SH3PXD2A: variants seen among roughly 807,000 people sequenced by gnomAD.
The protein encoded by SH3PXD2A is SH3 and PX domain-containing protein 2A.
A neutral mutation model predicts 115.2 loss-of-function variants in SH3PXD2A; 32 were observed. The ratio of observed to expected loss-of-function variants is 0.28; its 90% CI spans 0.21 to 0.37. The LOEUF (loss-of-function observed/expected upper bound fraction) is 0.37. Among genes scored for constraint, SH3PXD2A ranks in the 10% least tolerant of loss-of-function variants. The pLI, the probability that SH3PXD2A is intolerant of heterozygous loss-of-function variation, is 1.00. For missense variants in SH3PXD2A, 1,328 were observed against 1,498.7 expected (o/e 0.89, Z 1.88); for synonymous variants, 610 against 629.1 (o/e 0.97, Z 0.45).
chr10:103,628,493 G>A (rs868818296), intron 8 of SH3PXD2A, among the ~76,000 whole-genome samples: 1 of 151,966 alleles, frequency 6.6e-6, no homozygotes, highest in Non-Finnish European at 1.5e-5. Flanking sequence ...TTACGGTCTC[G>A]GTGTCCTCCT....
At chr10:103,726,815 C>T (rs1248335065) in intron 4 of SH3PXD2A, among the ~76,000 whole-genome samples, 3 of 152,154 alleles carry the variant, frequency 2.0e-5, no homozygotes, top group African/African-American at 7.2e-5. Flanking sequence ...GGGCCCTTCT[C>T]GATGCCAAAC....
intron 13 of SH3PXD2A, among the ~76,000 whole-genome samples, chr10:103,606,649 C>T (rs1323674038): frequency 3.9e-5 from 6 of 152,126 alleles, no homozygotes; most frequent in Non-Finnish European, 7.3e-5. Flanking sequence ...CGCGCGCCGC[C>T]ATGCCTGACT....
chr10:103,786,343 C>T (rs573222498), intron 2 of SH3PXD2A, among the ~76,000 whole-genome samples: 1 of 152,208 alleles, frequency 6.6e-6, no homozygotes, highest in Admixed American at 6.5e-5. Flanking sequence ...TCCTATGTGA[C>T]CTGAGTACCC....
At chr10:103,610,561 C>T (rs768343500) in intron 13 of SH3PXD2A, among the ~76,000 whole-genome samples, 5 of 152,170 alleles carry the variant, frequency 3.3e-5, no homozygotes, top group African/African-American at 9.7e-5. Flanking sequence ...TATGGAGGGC[C>T]TACTCTTCCA....
chr10:103,663,599 T>G (rs2037342607), intron 7 of SH3PXD2A, among the ~76,000 whole-genome samples: 1 of 152,258 alleles, frequency 6.6e-6, no homozygotes, highest in Non-Finnish European at 1.5e-5. Flanking sequence ...GGTCTGGGAC[T>G]CAGGCATGAG....
chr10:103,654,281 G>C (rs2037176085), intron 8 of SH3PXD2A, among the ~76,000 whole-genome samples: 1 of 152,170 alleles, frequency 6.6e-6, no homozygotes, highest in Non-Finnish European at 1.5e-5. Flanking sequence ...AACTCCAGGG[G>C]AGTGAGTCTG....
chr10:103,836,485 C>T (rs535695695), intron 1 of SH3PXD2A, among the ~76,000 whole-genome samples: 1 of 151,786 alleles, frequency 6.6e-6, no homozygotes, highest in Non-Finnish European at 1.5e-5. Flanking sequence ...CAAACTCACA[C>T]ACAGACACAT....
At chr10:103,712,725 A>G (rs2134158625) in intron 5 of SH3PXD2A, among the ~76,000 whole-genome samples, 1 of 152,344 alleles carries the variant, frequency 6.6e-6, no homozygotes, top group Non-Finnish European at 1.5e-5. Context: ...CGTGGTGACC[A>G]TGGCAACCAT....
At chr10:103,709,666 A>G (rs2038024383) in intron 5 of SH3PXD2A, among the ~76,000 whole-genome samples, 1 of 152,246 alleles carries the variant, frequency 6.6e-6, no homozygotes, top group Non-Finnish European at 1.5e-5. Context: ...GGGGTAGGAT[A>G]GGTAAGAGGT....
At chr10:103,679,625 T>C (rs549381528) in intron 6 of SH3PXD2A, among the ~76,000 whole-genome samples, 1 of 152,336 alleles carries the variant, frequency 6.6e-6, no homozygotes, top group South Asian at 2.1e-4. Flanking sequence ...GCTCCAGGAC[T>C]GTGTATGGCA....
chr10:103,724,016 T>C (rs1156656949), intron 5 of SH3PXD2A, among the ~76,000 whole-genome samples: 1 of 152,204 alleles, frequency 6.6e-6, no homozygotes, highest in Non-Finnish European at 1.5e-5. Context: ...AAAGAGTTTG[T>C]AGGAAAATCT....
At chr10:103,803,677 A>G (rs755552369) in intron 1 of SH3PXD2A, among the ~76,000 whole-genome samples, 1 of 152,226 alleles carries the variant, frequency 6.6e-6, no homozygotes, top group African/African-American at 2.4e-5. Context: ...CTGTACATAA[A>G]TTTATCTAAA....
At chr10:103,696,814 C>T (rs2037830627) in intron 5 of SH3PXD2A, among the ~76,000 whole-genome samples, 1 of 152,206 alleles carries the variant, frequency 6.6e-6, no homozygotes, top group Non-Finnish European at 1.5e-5. Flanking sequence ...CCAGGGGTGA[C>T]TCAAACCACA....
Position 103,661,843 on chromosome 10 carries a change from C to G in SH3PXD2A, c.473-729G>C, listed in dbSNP as rs1237786474. On this transcript the variant is annotated intron_variant, in intron 7 of 14. Coordinates refer to ENST00000369774, the MANE Select transcript of SH3PXD2A (RefSeq NM_001394015.1). ...TGGAGGCAGGGGAGGGGGAGGAGGC[C>G]TAGACTGTTTACTTGAAACCCAAGA... 3 of 985,124 alleles carry G rather than the reference C, an allele frequency of 3.0e-6. No homozygotes were observed. In the African/African-American group the frequency reaches 5.2e-5, roughly 17 times the overall value. The allele number at this position is 985,124 out of a possible 1,614,324, so 61.0% of individuals were successfully genotyped here. A position where few individuals can be genotyped will look rare whatever the true frequency, so the allele number is the denominator to read the frequency against.
chr10:103,822,079 T>G (rs1450473277), intron 1 of SH3PXD2A, among the ~76,000 whole-genome samples: 1 of 152,088 alleles, frequency 6.6e-6, no homozygotes, highest in Non-Finnish European at 1.5e-5. Flanking sequence ...AATTTTTGTA[T>G]TTTTGGTAAA....
At chr10:103,625,017 C>T (rs893106431) in intron 9 of SH3PXD2A, among the ~76,000 whole-genome samples, 5 of 152,156 alleles carry the variant, frequency 3.3e-5, no homozygotes, top group African/African-American at 1.2e-4. Flanking sequence ...CATGCACGCG[C>T]ACACACACCC....
intron 2 of SH3PXD2A, among the ~76,000 whole-genome samples, chr10:103,770,781 A>G (rs1208590449): frequency 1.3e-5 from 2 of 152,116 alleles, no homozygotes; most frequent in Admixed American, 6.5e-5. Flanking sequence ...TATTGCTGCC[A>G]TAGTGTATTT....
chr10:103,852,815 G>T (rs1403341983), intron 1 of SH3PXD2A, among the ~76,000 whole-genome samples: 2 of 152,142 alleles, frequency 1.3e-5, no homozygotes, highest in African/African-American at 4.8e-5. Flanking sequence ...CCCCAAATGG[G>T]TAGAAACTTT....
intron 10 of SH3PXD2A, among the ~76,000 whole-genome samples, chr10:103,619,023 C>T (rs1324171339): frequency 1.3e-5 from 2 of 151,554 alleles, no homozygotes; most frequent in South Asian, 2.1e-4. Flanking sequence ...TAGCCAAATT[C>T]AAACGGCTGC....
Sources: allele counts gnomAD v4.1 joint callset (sites outside exome capture counted in the v4.1 genomes callset), GRCh38; gene constraint gnomAD v4.1.1; transcripts MANE v1.5; gene names NCBI Gene and HGNC (gene_info 2026-07-23, HGNC 2026-07-21).